EPHA6: variants seen among roughly 807,000 people sequenced by gnomAD.
The protein encoded by EPHA6 is ephrin type-A receptor 6.
A neutral mutation model predicts 112.0 loss-of-function variants in EPHA6; 50 were observed. That is an observed-to-expected ratio of 0.45 (90% CI 0.36 to 0.56). The LOEUF (loss-of-function observed/expected upper bound fraction) is 0.56, where lower values mean the gene tolerates loss of function less well. Among genes scored for constraint, EPHA6 ranks in the 20% least tolerant of loss-of-function variants. The probability of loss-of-function intolerance (pLI) is 0.00; values close to 1 mark genes in which losing one functional copy is unlikely to be tolerated. For synonymous variants in EPHA6, 529 were observed against 490.7 expected, an observed-to-expected ratio of 1.08 and a Z score of -1.03; for missense variants, 1,280 against 1,417.4, an observed-to-expected ratio of 0.90 and a Z score of 1.56.
intron 14 of EPHA6, among the ~76,000 whole-genome samples, chr3:97,715,898 A>T (rs2034195714): frequency 6.6e-6 from 1 of 152,216 alleles, no homozygotes; most frequent in East Asian, 1.9e-4. Context: ...TAAACATTTT[A>T]GTACCCCTCC....
chr3:97,602,736 A>C (rs1314106618), intron 12 of EPHA6, among the ~76,000 whole-genome samples: 1 of 152,104 alleles, frequency 6.6e-6, no homozygotes, highest in Non-Finnish European at 1.5e-5. Flanking sequence ...GAACTTATAA[A>C]AAATTATTCT....
chr3:97,008,545 G>T (rs995766640), intron 3 of EPHA6, among the ~76,000 whole-genome samples: 1 of 152,010 alleles, frequency 6.6e-6, no homozygotes, highest in Non-Finnish European at 1.5e-5. Context: ...TTTTGAGTTG[G>T]GTTAGAACAT....
At chr3:96,936,675 C>T (rs967588769) in intron 2 of EPHA6, among the ~76,000 whole-genome samples, 11 of 151,530 alleles carry the variant, frequency 7.3e-5, no homozygotes, top group African/African-American at 2.4e-4. Context: ...TTGTTACATA[C>T]GTACACATGT....
chr3:97,223,005 G>T (rs919371502), intron 3 of EPHA6, among the ~76,000 whole-genome samples: 1 of 152,170 alleles, frequency 6.6e-6, no homozygotes, highest in East Asian at 1.9e-4. Flanking sequence ...GGCAACATAC[G>T]TGGGTCATGA....
chr3:96,995,795 C>T (rs1224392655), intron 3 of EPHA6, among the ~76,000 whole-genome samples: 3 of 152,122 alleles, frequency 2.0e-5, no homozygotes, highest in African/African-American at 4.8e-5. Flanking sequence ...GAGCCTTCAG[C>T]AAGTCATAAT....
intron 11 of EPHA6, among the ~76,000 whole-genome samples, chr3:97,542,438 G>C (rs1057370243): frequency 6.6e-6 from 1 of 152,062 alleles, no homozygotes; most frequent in Non-Finnish European, 1.5e-5. Flanking sequence ...CATTTTTTAT[G>C]GCTGCATAGT....
chr3:97,517,590 G>A (rs943407772), intron 10 of EPHA6, among the ~76,000 whole-genome samples: 2 of 151,826 alleles, frequency 1.3e-5, no homozygotes, highest in South Asian at 4.1e-4. Flanking sequence ...GCTTATTTTT[G>A]TGGTGAAAAC....
chr3:97,641,733 G>A (rs548358822), intron 14 of EPHA6, among the ~76,000 whole-genome samples: 67 of 152,302 alleles, frequency 4.4e-4, no homozygotes, highest in African/African-American at 5.5e-4. Flanking sequence ...TTTTCAGACC[G>A]GCTTAAAAAA....
At chr3:97,494,230 C>G (rs1381161206) in intron 10 of EPHA6, among the ~76,000 whole-genome samples, 3 of 152,114 alleles carry the variant, frequency 2.0e-5, no homozygotes, top group Non-Finnish European at 4.4e-5. Flanking sequence ...TTAATTTTAT[C>G]CGGAAATAAT....
chr3:97,327,022 G>A lies in EPHA6; in HGVS notation c.1607-78128G>A, dbSNP rs114801812. On this transcript the variant is annotated intron_variant, in intron 5 of 17. Transcript: ENST00000389672. ...TAGAGTTCAGTCTTACAAATACTGT[G>A]AACAAATCTTTTGCCAATGAAACCA... Among the ~76,000 whole-genome samples the A allele has an allele frequency of 2.6e-3, 388 of 152,082 alleles. 2 individuals are homozygous for A. Among genetic ancestry groups the A allele is most frequent in the African/African-American group, 9.0e-3 (374 of 41,530 alleles).
chr3:97,353,681 C>T (rs2083921072), intron 5 of EPHA6, among the ~76,000 whole-genome samples: 1 of 152,160 alleles, frequency 6.6e-6, no homozygotes, highest in South Asian at 2.1e-4. Context: ...CTGGACCTAC[C>T]ATGGGCCAGT....
At chr3:97,312,346 A>G (rs1007283797) in intron 5 of EPHA6, among the ~76,000 whole-genome samples, 1 of 151,612 alleles carries the variant, frequency 6.6e-6, no homozygotes, top group African/African-American at 2.4e-5. Context: ...CATCCATGCT[A>G]TAGTCCTGAT....
chr3:97,592,825 T>C, intron 12 of EPHA6, 88 bp downstream of exon 12: 1 of 1,345,474 alleles, frequency 7.4e-7, no homozygotes, highest in Non-Finnish European at 9.9e-7. Flanking sequence ...AAAATGAATA[T>C]TGCTTAAATA....
Position 97,729,402 on chromosome 3 carries a change from A to G in EPHA6, c.2935-6523A>G, listed in dbSNP as rs1464182175. On this transcript the variant is annotated intron_variant, in intron 15 of 17. Transcript: ENST00000389672. ...TGGGGAGGCCTCACAATCATGGTAGAAGACAAAAAGGAGTGAAGGCATGTC... is the reference window on the plus strand; with the variant it reads ...TGGGGAGGCCTCACAATCATGGTAGGAGACAAAAAGGAGTGAAGGCATGTC... Among the ~76,000 whole-genome samples the G allele has an allele frequency of 2.0e-5, 3 of 152,218 alleles. No individual in the cohort carries two copies. In the East Asian group the frequency reaches 5.8e-4, roughly 30 times the overall value.
chr3:97,039,714 C>T (rs914533803), intron 3 of EPHA6, among the ~76,000 whole-genome samples: 5 of 151,828 alleles, frequency 3.3e-5, no homozygotes, highest in South Asian at 4.2e-4. Flanking sequence ...TACATGTATT[C>T]GGCAGTAAAG....
At chr3:97,365,161 A>T (rs987382684) in intron 5 of EPHA6, among the ~76,000 whole-genome samples, 2 of 152,210 alleles carry the variant, frequency 1.3e-5, no homozygotes, top group East Asian at 3.8e-4. Flanking sequence ...AATTTTGTGT[A>T]AGAAGCTATT....
chr3:97,502,832 CAAAAAAAAAA>C (rs397990595), intron 10 of EPHA6, among the ~76,000 whole-genome samples: 2,794 of 35,950 alleles, frequency 0.078, 154 homozygotes, highest in African/African-American at 0.26. Flanking sequence ...GACTCTGTCT[CAAAAAAAAAA>C]AAAAAAAAAA....
chr3:96,877,285 G>A (rs917005345), intron 2 of EPHA6, among the ~76,000 whole-genome samples: 1 of 151,920 alleles, frequency 6.6e-6, no homozygotes, highest in African/African-American at 2.4e-5. Flanking sequence ...CTCATTTTTT[G>A]TATTTTAGAC....
intron 14 of EPHA6, among the ~76,000 whole-genome samples, chr3:97,659,043 G>T (rs1328904583): frequency 6.6e-6 from 1 of 151,918 alleles, no homozygotes; most frequent in East Asian, 1.9e-4. Flanking sequence ...ATTTATTAAA[G>T]CTTAATAACT....
Sources: allele counts gnomAD v4.1 joint callset (sites outside exome capture counted in the v4.1 genomes callset), GRCh38; gene constraint gnomAD v4.1.1; transcripts MANE v1.5; gene names NCBI Gene and HGNC (gene_info 2026-07-23, HGNC 2026-07-21).